Variants in SPTBN4 observed in about 807,000 individuals in gnomAD.
The protein encoded by SPTBN4 is spectrin beta chain, non-erythrocytic 4.
A neutral mutation model predicts 277.8 loss-of-function variants in SPTBN4; 96 were observed. The observed-to-expected ratio is 0.35, with a 90% CI of 0.29 to 0.41. The LOEUF is 0.41. Among genes scored for constraint, SPTBN4 ranks in the 10% least tolerant of loss-of-function variants. SPTBN4 has a pLI of 1.00. For synonymous variants in SPTBN4, 1,481 were observed against 1,580.3 expected, an observed-to-expected ratio of 0.94 and a Z score of 1.49; for missense variants, 3,006 against 3,595.7, an observed-to-expected ratio of 0.84 and a Z score of 4.19.
At position 40,472,682 on chromosome 19, in the gene SPTBN4, C is replaced by A. The variant is rs762129766; in HGVS notation, c.61C>A (p.Pro21Thr). The A allele has an allele frequency of 3.7e-6, 6 of 1,613,780 alleles. No homozygotes were observed. The highest frequency in any genetic ancestry group is 2.2e-5 in the East Asian group (1 of 44,898). ...GGGCCTGCCTGCTCCTAACAACAAC[C>A]CTGCTGCCCGCTGGGAGAGTCCGGA... ...MEGLPAPNNN[P>T]AARWESPDRG... Residue 21 changes from proline (P) to threonine (T), a missense_variant, in exon 2 of 36, where the codon CCT (proline) becomes ACT (threonine). This residue lies in a region of SPTBN4 where 78 missense variants were observed against 65.7 expected (regional missense o/e 1.19). Coordinates refer to ENST00000598249, the MANE Select transcript of SPTBN4 (RefSeq NM_020971.3).
At position 40,489,236 on chromosome 19, in the gene SPTBN4, GA is replaced by G. The variant is rs984322881; in HGVS notation, c.322-831del. ...AAAGCCAAAAAAAAAAAAAAAGAAA[GA>G]AAAAAAAGAATAGATAGGAACCAAC... On this transcript the variant is annotated intron_variant, in intron 3 of 35. Transcript: ENST00000598249. Among the ~76,000 whole-genome samples the G allele has an allele frequency of 5.5e-5, 8 of 145,632 alleles. No homozygotes were observed. The East Asian group carries it at 8.1e-4, about 15-fold the overall frequency.
intron 20 of SPTBN4, among the ~76,000 whole-genome samples, chr19:40,548,086 G>C (rs1302687876): frequency 6.6e-6 from 1 of 152,144 alleles, no homozygotes; most frequent in Non-Finnish European, 1.5e-5. Context: ...ATTTGAATTG[G>C]CACCTATGAA....
intron 20 of SPTBN4, among the ~76,000 whole-genome samples, chr19:40,545,545 A>T (rs941576549): frequency 6.6e-6 from 1 of 152,168 alleles, no homozygotes; most frequent in Admixed American, 6.6e-5. Flanking sequence ...GAGTGTGCCC[A>T]TCTCCCAACA....
In SPTBN4 at chr19:40,570,666, G is replaced by A. The variant is rs757401809; in HGVS notation, c.7257G>A (p.Val2419=). 42 of 1,600,380 alleles carry A rather than the reference G, an allele frequency of 2.6e-5. No homozygotes were observed. Among genetic ancestry groups the A allele is most frequent in the Non-Finnish European group, 3.5e-5 (41 of 1,174,520 alleles). The change falls in exon 33 of 36, where the codon GTG becomes GTA. Residue 2419 remains valine (V), a synonymous_variant. Transcript: ENST00000598249. ...CTCCGCCACCGCCCACTCACACAGT[G>A]CAGCACGAGGGCTTCCTACTGCGCA... ...PAPPPPPTHT[V]QHEGFLLRKR... is the part of the protein sequence containing the mutation.
At position 40,566,187 on chromosome 19, in the gene SPTBN4, A is replaced by T; in HGVS notation, c.6164A>T (p.Gln2055Leu). The T allele has an allele frequency of 6.5e-7, 1 of 1,538,638 alleles. No individual in the cohort carries two copies. The highest frequency in any genetic ancestry group is 8.8e-7 in the Non-Finnish European group (1 of 1,139,150). Reference sequence around the variant, plus strand: ...GTGCTGGAGGTGCACCAGTTTGCCCAGGAGGCGGTGGTGGCTGATGCCTGG... The same window carrying T: ...GTGCTGGAGGTGCACCAGTTTGCCCTGGAGGCGGTGGTGGCTGATGCCTGG... ...QQMLEVHQFA[Q>L]EAVVADAWLT... Residue 2055 changes from glutamine (Q) to leucine (L), a missense_variant, in exon 30 of 36, where the codon CAG (glutamine) becomes CTG (leucine). By Grantham distance (113) the Gln-to-Leu change is moderately radical (BLOSUM62 -2). Coordinates refer to ENST00000598249, the MANE Select transcript of SPTBN4 (RefSeq NM_020971.3).
chr19:40,472,836 GGAAGGGTGCCCGA>G (rs2079902098), intron 2 of SPTBN4, 46 bp downstream of exon 2: 1 of 1,464,940 alleles, frequency 6.8e-7, no homozygotes, highest in East Asian at 2.5e-5. Flanking sequence ...GGGGGAAGGG[GGAAGGGTGCCCGA>G]GAACCTTGGT....
At chr19:40,511,998 C>T (rs1197347207) in intron 13 of SPTBN4, among the ~76,000 whole-genome samples, 2 of 152,228 alleles carry the variant, frequency 1.3e-5, no homozygotes, top group Admixed American at 1.3e-4. Context: ...GTGGCGGGCG[C>T]CTGTAATCCT....
intron 7 of SPTBN4, among the ~76,000 whole-genome samples, chr19:40,498,119 C>T (rs2080221363): frequency 6.6e-6 from 1 of 152,002 alleles, no homozygotes; most frequent in South Asian, 2.1e-4. Context: ...CCATGTCTAT[C>T]TCTCCCACAA....
intron 2 of SPTBN4, among the ~76,000 whole-genome samples, chr19:40,485,563 T>C (rs1215407944): frequency 2.0e-5 from 3 of 152,102 alleles, no homozygotes; most frequent in Non-Finnish European, 2.9e-5. Context: ...CTCAGCACTT[T>C]GGGAAGCGTA....
In SPTBN4 at chr19:40,560,684, A is replaced by C. The variant is rs1421855713; in HGVS notation, c.5915+281A>C. The C allele has an allele frequency of 1.4e-6, 2 of 1,420,418 alleles. No individual in the cohort carries two copies. The highest frequency in any genetic ancestry group is 1.8e-6 in the Non-Finnish European group (2 of 1,090,776). 88.0% of individuals were successfully genotyped at this position (1,420,418 alleles called of 1,614,324 possible). ...GGATGTCACAGCATGAAACAGGCTA[A>C]AGACAGGATGGGCAAGGGAGGTGTG... On this transcript the variant is annotated intron_variant, in intron 27 of 35. Transcript: ENST00000598249. The surrounding 1 kb of genome is among the most constrained non-coding windows in gnomAD (Gnocchi z 5.2).
intron 22 of SPTBN4, among the ~76,000 whole-genome samples, chr19:40,551,993 CAAAA>C (rs751910923): frequency 1.0e-5 from 1 of 96,158 alleles, no homozygotes; most frequent in Non-Finnish European, 2.2e-5. Context: ...GACCCTGTCT[CAAAA>C]AAAAAAAAAA....
chr19:40,564,913 G>C (rs2081076124), intron 27 of SPTBN4, among the ~76,000 whole-genome samples: 1 of 151,998 alleles, frequency 6.6e-6, no homozygotes, highest in Admixed American at 6.6e-5. Context: ...TTAGAAACTT[G>C]GAAAATTTGA....
chr19:40,566,017 C>T lies in SPTBN4; in HGVS notation c.6140-146C>T, dbSNP rs547919466. The T allele has an allele frequency of 3.7e-5, 32 of 855,644 alleles. No individual in the cohort carries two copies. In the African/African-American group the frequency reaches 4.8e-4, roughly 13 times the overall value. The allele number at this position is 855,644 out of a possible 1,614,324, so 53.0% of individuals were successfully genotyped here. ...GGAATGATGCCCACTGAAATAGCCC[C>T]AGCCTCTGCCATTCCTGCAGAGCCC... On this transcript the variant is annotated intron_variant, in intron 29 of 35. Transcript: ENST00000598249.
At position 40,519,368 on chromosome 19, in the gene SPTBN4, T is replaced by G; in HGVS notation, c.2904-33T>G. The G allele has an allele frequency of 2.7e-6, 4 of 1,478,516 alleles. No homozygotes were observed. The highest frequency in any genetic ancestry group is 1.8e-6 in the Non-Finnish European group (2 of 1,115,946). The allele number at this position is 1,478,516 out of a possible 1,614,324, so 91.6% of individuals were successfully genotyped here. A position where few individuals can be genotyped will look rare whatever the true frequency, so the allele number is the denominator to read the frequency against. ...CCTCCGCGCCCAAGAGGAGTCCCTG[T>G]CCTCCTCAAGTCACTCTCTTTCCCC... On this transcript the variant is annotated intron_variant, in intron 15 of 35. Coordinates refer to ENST00000598249, the MANE Select transcript of SPTBN4 (RefSeq NM_020971.3). This position sits in a 1 kb window ranked among gnomAD's most constrained non-coding sequence, Gnocchi z 5.7.
In SPTBN4 at chr19:40,502,119, C is replaced by T; in HGVS notation, c.898-9C>T. 1 of 1,613,282 alleles carries T rather than the reference C, an allele frequency of 6.2e-7. No individual in the cohort carries two copies. On this transcript the variant is annotated splice_polypyrimidine_tract_variant and intron_variant, in intron 8 of 35. Transcript: ENST00000598249. The surrounding 1 kb of genome is among the most constrained non-coding windows in gnomAD (Gnocchi z 4.9). ...GATGAGGCTGACCCCCCTTCCTCTG[C>T]TGTGTCAGGTCTTGGACCAGGTATT... is the stretch of plus-strand genomic sequence containing the variant.
At chr19:40,505,042 AAG>A (rs148908164) in intron 12 of SPTBN4, among the ~76,000 whole-genome samples, 13 of 149,488 alleles carry the variant, frequency 8.7e-5, no homozygotes, top group Non-Finnish European at 1.5e-4. Context: ...GAATCAATTT[AAG>A]AGAGAGAGAG....
At chr19:40,512,471 T>G (rs943734864) in intron 13 of SPTBN4, 135 bp from the exon 14 acceptor site, 10 of 1,188,740 alleles carry the variant, frequency 8.4e-6, no homozygotes, top group Middle Eastern at 2.9e-4. Context: ...CAGGGAAGGC[T>G]GCCTGGAGGA....
rs1416411131 is a variant in SPTBN4 at position 40,513,183 on chromosome 19, C to G, written c.2394C>G (p.Ala798=). Residue 798 remains alanine, a synonymous_variant, in exon 14 of 36, where the codon GCC becomes GCG. Transcript: ENST00000598249. ...WLRDAYRLAA[A]GDFGHDEASS... Reference sequence around the variant, plus strand: ...GCGACGCTTACCGCCTGGCAGCCGCCGGTGACTTCGGCCACGACGAAGCTT... The same window carrying G: ...GCGACGCTTACCGCCTGGCAGCCGCGGGTGACTTCGGCCACGACGAAGCTT... 10 of 1,502,788 alleles carry G rather than the reference C, an allele frequency of 6.7e-6. No individual in the cohort carries two copies. The South Asian group carries it at 8.7e-5, about 13-fold the overall frequency. The allele number at this position is 1,502,788 out of a possible 1,614,324, so 93.1% of individuals were successfully genotyped here.
At chr19:40,493,475 G>A (rs1387137398) in intron 5 of SPTBN4, among the ~76,000 whole-genome samples, 1 of 152,190 alleles carries the variant, frequency 6.6e-6, no homozygotes, top group East Asian at 1.9e-4. Context: ...AATGAGGCTA[G>A]GACTTTGAGA....
Sources: allele counts gnomAD v4.1 joint callset (sites outside exome capture counted in the v4.1 genomes callset), GRCh38; gene constraint gnomAD v4.1.1; regional missense constraint gnomAD v4.1.1; non-coding constraint Gnocchi (gnomAD v3.1); transcripts MANE v1.5; gene names NCBI Gene and HGNC (gene_info 2026-07-23, HGNC 2026-07-21).